The following POU6F2 variants were observed in gnomAD, a reference collection of about 807,000 sequenced individuals.
POU6F2 encodes the protein POU class 6 homeobox 2.
A neutral mutation model predicts 71.3 loss-of-function variants in POU6F2; 31 were observed. The ratio of observed to expected loss-of-function variants is 0.43; its 90% CI spans 0.33 to 0.59. The LOEUF (loss-of-function observed/expected upper bound fraction) is 0.59, where lower values mean the gene tolerates loss of function less well. Among genes scored for constraint, POU6F2 ranks in the 20% least tolerant of loss-of-function variants. POU6F2 has a pLI of 0.04. For missense variants in POU6F2, 783 were observed against 856.8 expected (o/e 0.91, Z 1.07); for synonymous variants, 347 against 355.7 (o/e 0.98, Z 0.27).
chr7:39,416,093 TACACACACACACACACACACACAC>T (rs57579748), intron 6 of POU6F2, among the ~76,000 whole-genome samples: 2 of 139,300 alleles, frequency 1.4e-5, no homozygotes, highest in African/African-American at 2.7e-5. Context: ...CTCGAAGGCA[TACACACACACACACACACACACAC>T]ACACACACAC....
At chr7:39,076,523 T>C (rs888848032) in intron 1 of POU6F2, among the ~76,000 whole-genome samples, 8 of 151,634 alleles carry the variant, frequency 5.3e-5, no homozygotes, top group African/African-American at 1.9e-4. Flanking sequence ...AAATAAATTA[T>C]ATTTTTAAAA....
intron 2 of POU6F2, among the ~76,000 whole-genome samples, chr7:39,163,870 C>T (rs1367693014): frequency 6.6e-6 from 1 of 152,120 alleles, no homozygotes; most frequent in Non-Finnish European, 1.5e-5. Context: ...TAACAGCATG[C>T]ATGAACCAGA....
intron 4 of POU6F2, among the ~76,000 whole-genome samples, chr7:39,254,026 A>G (rs1421209352): frequency 2.0e-5 from 3 of 152,272 alleles, no homozygotes; most frequent in Non-Finnish European, 2.9e-5. Context: ...GAGAGTGTCC[A>G]TTGATCTCTG....
chr7:39,159,558 A>T (rs948819451), intron 2 of POU6F2, among the ~76,000 whole-genome samples: 8 of 152,340 alleles, frequency 5.3e-5, no homozygotes, highest in African/African-American at 1.9e-4. Context: ...GTAAACACAT[A>T]AGCATATCTA....
intron 2 of POU6F2, among the ~76,000 whole-genome samples, chr7:39,152,168 T>C (rs1278372764): frequency 2.6e-5 from 4 of 152,146 alleles, no homozygotes; most frequent in South Asian, 2.1e-4. Context: ...ATTCTTATCA[T>C]TGAGATGCTC....
chr7:39,191,179 A>C lies in POU6F2; in HGVS notation c.278-13056A>C, dbSNP rs138364003. On this transcript the variant is annotated intron_variant, in intron 2 of 9. Transcript: ENST00000518318. ...CACTTTAATAAGGCATCTTAAAAGG[A>C]AGATTTGGGGATGCAAATTGGGATG... Among the ~76,000 whole-genome samples, 75 of 152,320 alleles carry C rather than the reference A, an allele frequency of 4.9e-4. 1 individual carries two copies. In the East Asian group the frequency reaches 0.014, roughly 28 times the overall value.
At chr7:39,025,492 A>G (rs1182973879) in intron 1 of POU6F2, among the ~76,000 whole-genome samples, 1 of 152,192 alleles carries the variant, frequency 6.6e-6, no homozygotes, top group Non-Finnish European at 1.5e-5. Flanking sequence ...AAAACAGGCA[A>G]TGGGGAAAGG....
In POU6F2 at chr7:39,412,887, G is replaced by A. The variant is rs894700385; in HGVS notation, c.1113+6147G>A. Among the ~76,000 whole-genome samples the A allele has an allele frequency of 5.3e-5, 7 of 131,560 alleles. No individual in the cohort carries two copies. The East Asian group carries it at 7.6e-4, about 14-fold the overall frequency. 86.3% of individuals were successfully genotyped at this position (131,560 alleles called of 152,430 possible). On this transcript the variant is annotated intron_variant, in intron 6 of 9. Transcript: ENST00000518318. ...GTGATCTTGGCTCACTGCAAGCTCC[G>A]CCTCCCAGGTGCATGCCATTCTCCT...
At chr7:39,206,825 G>A (rs1794022580) in intron 3 of POU6F2, among the ~76,000 whole-genome samples, 1 of 152,074 alleles carries the variant, frequency 6.6e-6, no homozygotes, top group Non-Finnish European at 1.5e-5. Context: ...AGTTAAAGGG[G>A]GATAAATATT....
At chr7:39,061,318 A>G (rs1790652241) in intron 1 of POU6F2, among the ~76,000 whole-genome samples, 1 of 152,166 alleles carries the variant, frequency 6.6e-6, no homozygotes, top group Admixed American at 6.5e-5. Context: ...TGGAAAAGGA[A>G]GGAGTATTTT....
At chr7:39,014,622 T>G (rs187014063) in intron 1 of POU6F2, among the ~76,000 whole-genome samples, 1 of 150,606 alleles carries the variant, frequency 6.6e-6, no homozygotes, top group African/African-American at 2.5e-5. Context: ...AAAAGCTGAA[T>G]TTTTTTTCAT....
At chr7:39,459,973 C>G (rs1490454104) in intron 8 of POU6F2, among the ~76,000 whole-genome samples, 1 of 152,084 alleles carries the variant, frequency 6.6e-6, no homozygotes, top group Non-Finnish European at 1.5e-5. Context: ...ATATCATTCT[C>G]GCAGTTTCAT....
intron 4 of POU6F2, among the ~76,000 whole-genome samples, chr7:39,243,558 C>T (rs1042264395): frequency 7.9e-5 from 12 of 152,050 alleles, no homozygotes; most frequent in African/African-American, 2.9e-4. Flanking sequence ...AAAAATATAA[C>T]AAAAAGCCCT....
chr7:39,193,512 G>A lies in POU6F2; in HGVS notation c.278-10723G>A, dbSNP rs187652919. 4.6e-5 allele frequency among the ~76,000 whole-genome samples: 7 copies of A among 152,266 alleles called. No individual in the cohort carries two copies. In the East Asian group the frequency reaches 1.3e-3, roughly 29 times the overall value. ...TGTAGTGTAGTCTTGAAGTCAAATG[G>A]AATTGCATTCAGATCCCAACTCTAT... is the stretch of plus-strand genomic sequence containing the variant. On this transcript the variant is annotated intron_variant, in intron 2 of 9. Coordinates refer to ENST00000518318, the MANE Select transcript of POU6F2 (RefSeq NM_001370959.1).
At chr7:39,021,456 TCCACC>T (rs1044220500) in intron 1 of POU6F2, among the ~76,000 whole-genome samples, 35 of 152,136 alleles carry the variant, frequency 2.3e-4, no homozygotes, top group African/African-American at 8.2e-4. Flanking sequence ...ATTTATGTAC[TCCACC>T]CCATTTGCCA....
intron 5 of POU6F2, among the ~76,000 whole-genome samples, chr7:39,366,901 AC>A (rs977138725): frequency 1.3e-5 from 2 of 152,060 alleles, no homozygotes; most frequent in Admixed American, 6.6e-5. Context: ...AAACAGGGAT[AC>A]AAGATGTCAG....
intron 6 of POU6F2, among the ~76,000 whole-genome samples, chr7:39,416,206 T>C (rs1787670643): frequency 1.3e-5 from 2 of 152,150 alleles, no homozygotes; most frequent in Non-Finnish European, 2.9e-5. Context: ...GTATTTTTAC[T>C]ATGATTATTT....
At chr7:39,415,697 G>A (rs943886249) in intron 6 of POU6F2, among the ~76,000 whole-genome samples, 17 of 152,214 alleles carry the variant, frequency 1.1e-4, no homozygotes, top group Non-Finnish European at 2.2e-4. Context: ...TTAGCTGAAT[G>A]TTCCTTTGGG....
In POU6F2 at chr7:39,197,551, A is replaced by G. The variant is rs547381080; in HGVS notation, c.278-6684A>G. Among the ~76,000 whole-genome samples the G allele has an allele frequency of 2.6e-5, 4 of 152,360 alleles. No individual in the cohort carries two copies. The East Asian group carries it at 7.7e-4, about 29-fold the overall frequency. ...AGCCCAGAACATGTGTGGCTGCACC[A>G]TCTGTGGATTCCAGAGCCCAGCTAT... On this transcript the variant is annotated intron_variant, in intron 2 of 9. Coordinates refer to ENST00000518318, the MANE Select transcript of POU6F2 (RefSeq NM_001370959.1).
Sources: allele counts gnomAD v4.1 joint callset (sites outside exome capture counted in the v4.1 genomes callset), GRCh38; gene constraint gnomAD v4.1.1; transcripts MANE v1.5; gene names NCBI Gene and HGNC (gene_info 2026-07-23, HGNC 2026-07-21).